Variants in ABHD12 observed in about 807,000 individuals in gnomAD.
The protein encoded by ABHD12 is abhydrolase domain containing 12, lysophospholipase.
In ABHD12, 43 loss-of-function variants were observed where a neutral mutation model predicts 58.3. The ratio of observed to expected loss-of-function variants is 0.74; its 90% confidence interval spans 0.58 to 0.95. The LOEUF is 0.95. Among genes scored for constraint, ABHD12 ranks in the 40% least tolerant of loss-of-function variants. The pLI, the probability that ABHD12 is intolerant of heterozygous loss-of-function variation, is 0.00. For synonymous variants in ABHD12, 219 were observed against 211.2 expected (o/e 1.04, Z -0.32); for missense variants, 539 against 537.2 (o/e 1.00, Z -0.03).
rs553307022 is a variant in ABHD12, at chr20:25,376,136, A to G, written c.191+14377T>C. ...GACTCTGTCTCAAAAAATAATAATA[A>G]TAATAATAATGTCTACAATTAGTTT... is the stretch of plus-strand genomic sequence containing the variant. On this transcript the variant is annotated intron_variant, in intron 1 of 12. Coordinates refer to ENST00000339157, the MANE Select transcript of ABHD12 (RefSeq NM_001042472.3). Among the ~76,000 whole-genome samples, 100 of 152,226 alleles carry G rather than the reference A, an allele frequency of 6.6e-4. No individual in the cohort carries two copies. In the South Asian group the frequency reaches 0.02, roughly 30 times the overall value.
At chr20:25,349,347 A>C (rs534661527) in intron 1 of ABHD12, among the ~76,000 whole-genome samples, 1 of 152,348 alleles carries the variant, frequency 6.6e-6, no homozygotes, top group African/African-American at 2.4e-5. Flanking sequence ...CAAAAAGTTA[A>C]GCCTAGAATT....
rs114111804 is a variant in ABHD12, at chr20:25,323,759, G to A, written c.317-329C>T. 0.012 allele frequency among the ~76,000 whole-genome samples: 1,827 copies of A among 152,304 alleles called. 40 individuals are homozygous for A. The highest frequency in any genetic ancestry group is 0.042 in the African/African-American group (1,745 of 41,550). ...AGGTCTAAGGTCATTCTAGGTGTGAGAAGATGCAAATGAGGGAAGGAAAGA... is the reference window on the plus strand; with the variant it reads ...AGGTCTAAGGTCATTCTAGGTGTGAAAAGATGCAAATGAGGGAAGGAAAGA... On this transcript the variant is annotated intron_variant, in intron 2 of 12. Transcript: ENST00000339157.
chr20:25,358,415 G>A (rs1409309420), intron 1 of ABHD12, among the ~76,000 whole-genome samples: 1 of 152,198 alleles, frequency 6.6e-6, no homozygotes, highest in Non-Finnish European at 1.5e-5. Flanking sequence ...GCAGGCAGGA[G>A]TTTCTTCCAG....
intron 1 of ABHD12, among the ~76,000 whole-genome samples, chr20:25,349,075 C>T (rs1480280228): frequency 6.8e-6 from 1 of 146,074 alleles, no homozygotes; most frequent in African/African-American, 2.6e-5. Flanking sequence ...CAGAGCGAGA[C>T]TCCGTCTCAA....
In ABHD12 at chr20:25,375,918, C is replaced by T. The variant is rs1158402396; in HGVS notation, c.191+14595G>A. 2.6e-5 allele frequency among the ~76,000 whole-genome samples: 4 copies of T among 152,048 alleles called. 1 individual carries two copies. Among genetic ancestry groups the T allele is most frequent in the Non-Finnish European group, 5.9e-5 (4 of 68,002 alleles). On this transcript the variant is annotated intron_variant, in intron 1 of 12. Coordinates refer to ENST00000339157, the MANE Select transcript of ABHD12 (RefSeq NM_001042472.3). ...CAGGTGGATCACGAGGTCAGGAGATCGAGACCATCCTGGCTAACACGGTGA... is the reference window on the plus strand; with the variant it reads ...CAGGTGGATCACGAGGTCAGGAGATTGAGACCATCCTGGCTAACACGGTGA...
At position 25,309,433 on chromosome 20, in the gene ABHD12, T is replaced by TGG. The variant is rs1204439705; in HGVS notation, c.749+11_749+12dup. Reference sequence around the variant, plus strand: ...ACTCCCACTAAAGGCTGCCTCCTGCTGGGGTCCCTTACCCAGTGCCCAGAG... The same window carrying TGG: ...ACTCCCACTAAAGGCTGCCTCCTGCTGGGGGGTCCCTTACCCAGTGCCCAGAG... On this transcript the variant is annotated intron_variant, in intron 7 of 12. Transcript: ENST00000339157. 1.9e-6 allele frequency: 3 copies of TGG among 1,613,890 alleles called. No homozygotes were observed. The highest frequency in any genetic ancestry group is 1.7e-6 in the Non-Finnish European group (2 of 1,179,952).
intron 1 of ABHD12, among the ~76,000 whole-genome samples, chr20:25,360,352 T>C (rs772157743): frequency 6.8e-6 from 1 of 146,656 alleles, no homozygotes; most frequent in Non-Finnish European, 1.5e-5. Context: ...GCAATTCTCC[T>C]GCCTCAGCCT....
intron 1 of ABHD12, among the ~76,000 whole-genome samples, chr20:25,385,355 A>AAAG (rs1209752047): frequency 2.2e-5 from 3 of 136,088 alleles, no homozygotes; most frequent in Admixed American, 7.5e-5. Flanking sequence ...AAAAAAAAAA[A>AAAG]GAGGAAAACG....
Position 25,300,391 on chromosome 20 carries a change from C to T in ABHD12, c.*454G>A, listed in dbSNP as rs41309917. On this transcript the variant is annotated 3_prime_UTR_variant, in exon 13 of 13. Coordinates refer to ENST00000339157, the MANE Select transcript of ABHD12 (RefSeq NM_001042472.3). ...AGCAGGTACACAGGGCAGGAGGGGACGATGGAACCACTGGAGTCATTCTGC... is the reference window on the plus strand; with the variant it reads ...AGCAGGTACACAGGGCAGGAGGGGATGATGGAACCACTGGAGTCATTCTGC... 34,995 of 1,122,144 alleles carry T rather than the reference C, an allele frequency of 0.031. 579 individuals carry two copies. The highest frequency in any genetic ancestry group is 0.048 in the Admixed American group (1,145 of 24,034). 69.5% of individuals were successfully genotyped at this position (1,122,144 alleles called of 1,614,324 possible).
intron 1 of ABHD12, among the ~76,000 whole-genome samples, chr20:25,344,380 G>A (rs1256125739): frequency 1.3e-5 from 2 of 152,184 alleles, no homozygotes; most frequent in African/African-American, 4.8e-5. Flanking sequence ...TAAGCCAATA[G>A]TTTTCATATA....
At chr20:25,313,456 A>G (rs1332675733) in intron 6 of ABHD12, among the ~76,000 whole-genome samples, 27 of 151,674 alleles carry the variant, frequency 1.8e-4, no homozygotes, top group African/African-American at 6.0e-4. Flanking sequence ...GGAAGGCCGC[A>G]GGGTCCTCTG....
chr20:25,367,662 T>C (rs1265631740), intron 1 of ABHD12, among the ~76,000 whole-genome samples: 1 of 152,248 alleles, frequency 6.6e-6, no homozygotes, highest in Non-Finnish European at 1.5e-5. Flanking sequence ...AGTGGAATCA[T>C]ACAGTACTTG....
chr20:25,322,383 T>TATATATATATATATATATATTTTTGTTTG (rs1568727719), intron 3 of ABHD12, among the ~76,000 whole-genome samples: 1 of 31,588 alleles, frequency 3.2e-5, no homozygotes, highest in Non-Finnish European at 5.8e-5. Context: ...ATATATATAT[T>TATATATATATATATATATATTTTTGTTTG]TTTTTTTTTT....
chr20:25,328,102 T>C lies in ABHD12; in HGVS notation c.317-4672A>G, dbSNP rs2089206772. On this transcript the variant is annotated intron_variant, in intron 2 of 12. Coordinates refer to ENST00000339157, the MANE Select transcript of ABHD12 (RefSeq NM_001042472.3). ...GAGTAATAACAAAACGCCAGTCTCC[T>C]GGAAAAAAAAAAAAAAGAACACAGC... 2.0e-5 allele frequency among the ~76,000 whole-genome samples: 3 copies of C among 148,940 alleles called. No homozygotes were observed. The South Asian group carries it at 6.4e-4, about 32-fold the overall frequency.
chr20:25,309,550 T>C lies in ABHD12; in HGVS notation c.645A>G (p.Pro215=). The change falls in exon 7 of 13, where the codon CCA becomes CCG. Residue 215 remains proline (P), a synonymous_variant. Coordinates refer to ENST00000339157, the MANE Select transcript of ABHD12 (RefSeq NM_001042472.3). ...YRGWGDSVGT[P]SERGMTYDAL... ...CGTCATAGGTCATGCCCCGCTCAGATGGCGTTCCCACTGAGTCACCCCAAC... is the reference window on the plus strand; with the variant it reads ...CGTCATAGGTCATGCCCCGCTCAGACGGCGTTCCCACTGAGTCACCCCAAC... 1 of 1,614,164 alleles carries C rather than the reference T, an allele frequency of 6.2e-7. No individual in the cohort carries two copies. Among genetic ancestry groups the C allele is most frequent in the Non-Finnish European group, 8.5e-7 (1 of 1,180,010 alleles).
chr20:25,390,477 G>GGGGGCCC, intron 1 of ABHD12, 36 bp downstream of exon 1: 5 of 98,484 alleles, frequency 5.1e-5, no homozygotes, highest in Non-Finnish European at 5.4e-5. Context: ...TGAGGGACCG[G>GGGGGCCC]CCCCCCCCCC....
chr20:25,299,672 C>CAGAATG (rs2088602607), downstream of ABHD12, among the ~76,000 whole-genome samples: 2 of 152,124 alleles, frequency 1.3e-5, no homozygotes, highest in African/African-American at 4.8e-5. Context: ...TTCCTATAGC[C>CAGAATG]TCACAAAGAC....
At chr20:25,320,097 C>T (rs1324765279) in intron 4 of ABHD12, 102 bp downstream of exon 4, 34 of 1,537,562 alleles carry the variant, frequency 2.2e-5, no homozygotes, top group South Asian at 7.0e-5. Flanking sequence ...TTTGTGGGAC[C>T]GCAGGTTGCT....
At chr20:25,352,195 T>C (rs1185706924) in intron 1 of ABHD12, among the ~76,000 whole-genome samples, 1 of 151,792 alleles carries the variant, frequency 6.6e-6, no homozygotes, top group Non-Finnish European at 1.5e-5. Context: ...TTTCACCACA[T>C]TGGCCAGGCT....
Sources: gnomAD v4.1 joint callset for allele counts (sites outside exome capture counted in the v4.1 genomes callset) on GRCh38, gnomAD v4.1.1 for gene constraint, MANE v1.5 for transcripts, NCBI Gene and HGNC (gene_info 2026-07-23, HGNC 2026-07-21) for gene names.